The following RNFT2 variants were observed in gnomAD, a reference collection of about 807,000 sequenced individuals.
RNFT2 encodes ring finger protein, transmembrane 2, also known as E3 ubiquitin-protein ligase RNFT2.
A neutral mutation model predicts 53.0 loss-of-function variants in RNFT2; 36 were observed. The ratio of observed to expected loss-of-function variants is 0.68; its 90% CI spans 0.52 to 0.90. The LOEUF is 0.90. RNFT2 is among the 40% of genes least tolerant of loss of function. The pLI is 0.00. For synonymous variants in RNFT2, 260 were observed against 253.2 expected (o/e 1.03, Z -0.26); for missense variants, 514 against 585.6 (o/e 0.88, Z 1.26).
intron 7 of RNFT2, among the ~76,000 whole-genome samples, chr12:116,811,843 GAA>G (rs1875397284): frequency 1.3e-5 from 2 of 152,144 alleles, no homozygotes; most frequent in Non-Finnish European, 2.9e-5. Context: ...TCAGAACCCT[GAA>G]TGGAAGGAAG....
rs1354932345 is a variant in RNFT2 at position 116,802,861 on chromosome 12, G to A, written c.882+23513G>A. Among the ~76,000 whole-genome samples the A allele has an allele frequency of 3.3e-5, 5 of 152,064 alleles. No homozygotes were observed. The East Asian group carries it at 7.7e-4, about 23-fold the overall frequency. On this transcript the variant is annotated intron_variant, in intron 7 of 10. Transcript: ENST00000257575. The stretch of plus-strand genomic sequence containing the variant: ...TGTAATCCTAGCACTTTGGGAGGCC[G>A]AGCCAGGAGGATCACTTGAATCCAG...
At chr12:116,821,815 T>C (rs1043299499) in intron 7 of RNFT2, among the ~76,000 whole-genome samples, 3 of 128,650 alleles carry the variant, frequency 2.3e-5, no homozygotes, top group African/African-American at 9.1e-5. Flanking sequence ...TTTTTTTTTT[T>C]TTTTTTTTTT....
chr12:116,755,847 C>G, intron 5 of RNFT2: 2 of 1,569,336 alleles, frequency 1.3e-6, no homozygotes. Flanking sequence ...TATCGGGTGC[C>G]TCTCCTCTTT....
chr12:116,819,107 G>C (rs1233504564), intron 7 of RNFT2, among the ~76,000 whole-genome samples: 1 of 152,218 alleles, frequency 6.6e-6, no homozygotes, highest in Non-Finnish European at 1.5e-5. Context: ...TCACTCAGTG[G>C]CTGTGAAATC....
intron 10 of RNFT2, among the ~76,000 whole-genome samples, chr12:116,837,269 G>A (rs1325864884): frequency 6.6e-6 from 1 of 152,058 alleles, no homozygotes; most frequent in Non-Finnish European, 1.5e-5. Flanking sequence ...CACAGATCCC[G>A]TCCCCTCCTC....
At chr12:116,803,201 A>T (rs1200539064) in intron 7 of RNFT2, among the ~76,000 whole-genome samples, 1 of 152,072 alleles carries the variant, frequency 6.6e-6, no homozygotes, top group East Asian at 1.9e-4. Context: ...CAGAGGAAAC[A>T]CCTGGTCTTG....
chr12:116,825,904 G>T (rs938569161), intron 7 of RNFT2, among the ~76,000 whole-genome samples: 13 of 151,976 alleles, frequency 8.6e-5, no homozygotes, highest in African/African-American at 3.1e-4. Flanking sequence ...AGGCTGTCCT[G>T]CCTCCACAGA....
At position 116,836,185 on chromosome 12, in the gene RNFT2, A is replaced by G. The variant is rs751677676; in HGVS notation, c.1103A>G (p.Tyr368Cys). The G allele has an allele frequency of 3.1e-6, 5 of 1,595,474 alleles. No individual in the cohort carries two copies. Among genetic ancestry groups the G allele is most frequent in the Admixed American group, 1.8e-5 (1 of 56,744 alleles). The change falls in exon 10 of 11, where the codon TAT becomes TGT. Residue 368 changes from tyrosine (Y) to cysteine (C), a missense_variant. By Grantham distance (194) the Tyr-to-Cys change is radical. Around this residue, in one of 3 missense-constraint regions of RNFT2, gnomAD observed 273 missense variants for 334.4 expected, o/e 0.82. Transcript: ENST00000257575. The stretch of plus-strand genomic sequence containing the variant: ...TGCTTCTCCCCTCCCTCAAAGAACT[A>G]TGGAGTCCGAGCCACCGGGCAGCAG... ...ALKLLCTSQN[Y>C]GVRATGQQCT...
At chr12:116,833,647 G>A (rs1044130103) in intron 7 of RNFT2, 145 bp from the exon 8 acceptor site, 12 of 772,820 alleles carry the variant, frequency 1.6e-5, no homozygotes, top group Non-Finnish European at 2.5e-5. Flanking sequence ...AGCCCCATTA[G>A]GAGCTGGCCT....
At chr12:116,799,261 T>C (rs1403550404) in intron 7 of RNFT2, among the ~76,000 whole-genome samples, 2 of 152,226 alleles carry the variant, frequency 1.3e-5, no homozygotes, top group Admixed American at 1.3e-4. Flanking sequence ...GCTATTCTTG[T>C]GTCTGACATT....
At chr12:116,846,716 AT>A (rs2137225924) in intron 10 of RNFT2, among the ~76,000 whole-genome samples, 1 of 152,054 alleles carries the variant, frequency 6.6e-6, no homozygotes, top group East Asian at 1.9e-4. Flanking sequence ...TCTATTCTTC[AT>A]CCAGATTTAC....
intron 7 of RNFT2, among the ~76,000 whole-genome samples, chr12:116,801,832 G>T (rs201902456): frequency 7.1e-6 from 1 of 141,840 alleles, no homozygotes; most frequent in Non-Finnish European, 1.5e-5. Flanking sequence ...TTGTTTGTTT[G>T]TTTTTTTGAG....
intron 8 of RNFT2, 82 bp downstream of exon 8, chr12:116,834,023 T>C: frequency 8.0e-7 from 1 of 1,245,576 alleles, no homozygotes; most frequent in Admixed American, 3.5e-5. Context: ...CTGGGCAACC[T>C]AGAATACCCA....
At chr12:116,841,882 A>AT (rs1363949791) in intron 10 of RNFT2, among the ~76,000 whole-genome samples, 1 of 23,480 alleles carries the variant, frequency 4.3e-5, no homozygotes, top group Non-Finnish European at 1.0e-4. Flanking sequence ...TATATATATA[A>AT]ATATATATAA....
In RNFT2 at chr12:116,755,841, G is replaced by C. The variant is rs554006499; in HGVS notation, c.627+1781G>C. 3.4e-5 allele frequency: 53 copies of C among 1,569,944 alleles called. No individual in the cohort carries two copies. The African/African-American group carries it at 6.7e-4, about 20-fold the overall frequency. On this transcript the variant is annotated intron_variant, in intron 5 of 10. Transcript: ENST00000257575. ...CTAAAAGGCCTAGAGAACATATATC[G>C]GGTGCCTCTCCTCTTTCCCTTTGTG...
In RNFT2 at chr12:116,841,792, T is replaced by A. The variant is rs866893484; in HGVS notation, c.1200+5510T>A. On this transcript the variant is annotated intron_variant, in intron 10 of 10. Coordinates refer to ENST00000257575, the MANE Select transcript of RNFT2 (RefSeq NM_001382266.1). ...ATATATATATATAAATATATATATA[T>A]AAATATATATATAAATATATATATA... Among the ~76,000 whole-genome samples, 492 of 87,836 alleles carry A rather than the reference T, an allele frequency of 5.6e-3. 20 individuals carry two copies. Among genetic ancestry groups the A allele is most frequent in the South Asian group, 8.1e-3 (23 of 2,828 alleles). 57.6% of individuals were successfully genotyped at this position (87,836 alleles called of 152,430 possible). A position where few individuals can be genotyped will look rare whatever the true frequency, so the allele number is the denominator to read the frequency against.
chr12:116,824,406 A>G (rs191302048), intron 7 of RNFT2, among the ~76,000 whole-genome samples: 3 of 152,362 alleles, frequency 2.0e-5, no homozygotes, highest in Admixed American at 2.0e-4. Flanking sequence ...ACAGCAAAGA[A>G]TCCAAAATAA....
intron 10 of RNFT2, among the ~76,000 whole-genome samples, chr12:116,836,690 C>T (rs886925031): frequency 2.0e-5 from 3 of 151,826 alleles, no homozygotes; most frequent in African/African-American, 4.8e-5. Flanking sequence ...TTTGGAAGGC[C>T]GAGGCAGGCA....
At chr12:116,790,653 C>T (rs564022396) in intron 7 of RNFT2, among the ~76,000 whole-genome samples, 66 of 152,272 alleles carry the variant, frequency 4.3e-4, no homozygotes, top group African/African-American at 1.5e-3. Context: ...ATACAATTCA[C>T]GTAACATAAA....
Sources: allele counts gnomAD v4.1 joint callset (sites outside exome capture counted in the v4.1 genomes callset), GRCh38; gene constraint gnomAD v4.1.1; regional missense constraint gnomAD v4.1.1; transcripts MANE v1.5; gene names NCBI Gene and HGNC (gene_info 2026-07-23, HGNC 2026-07-21).